Variants in SMC6 observed in about 807,000 individuals in gnomAD.
The protein encoded by SMC6 is structural maintenance of chromosomes 6, also known as structural maintenance of chromosomes protein 6.
In SMC6, 79 loss-of-function variants were observed where a neutral mutation model predicts 142.2. The observed-to-expected ratio is 0.56, with a 90% confidence interval of 0.46 to 0.67. SMC6 has a LOEUF of 0.67. Among genes scored for constraint, SMC6 ranks in the 30% least tolerant of loss-of-function variants. The pLI is 0.00. For missense variants in SMC6, 1,072 were observed against 1,284.0 expected (o/e 0.83, Z 2.52); for synonymous variants, 411 against 412.4 (o/e 1.00, Z 0.04).
chr2:17,707,177 A>C lies in SMC6; in HGVS notation c.2006+42T>G. On this transcript the variant is annotated intron_variant, in intron 18 of 27. Transcript: ENST00000448223. The stretch of plus-strand genomic sequence containing the variant: ...TATGAAAGAAAATGAACCCCCAAGG[A>C]AGCAGTGGGAATGATACAGTAAAGC... 2.1e-6 allele frequency: 3 copies of C among 1,399,390 alleles called. No individual in the cohort carries two copies. In the South Asian group the frequency reaches 5.2e-5, roughly 24 times the overall value. The allele number at this position is 1,399,390 out of a possible 1,614,324, so 86.7% of individuals were successfully genotyped here.
intron 25 of SMC6, among the ~76,000 whole-genome samples, chr2:17,678,096 T>G (rs986338277): frequency 6.6e-6 from 1 of 150,388 alleles, no homozygotes; most frequent in African/African-American, 2.5e-5. Flanking sequence ...AACACGGCAG[T>G]TTTTTTTACT....
intron 22 of SMC6, 149 bp from the exon 23 acceptor site, chr2:17,695,446 T>TATCTAAAGGG: frequency 1.5e-6 from 1 of 645,656 alleles, no homozygotes; most frequent in East Asian, 2.9e-5. Flanking sequence ...TATTTATATT[T>TATCTAAAGGG]ATCTAAGTTT....
intron 23 of SMC6, 37 bp from the exon 24 acceptor site, chr2:17,683,800 C>T (rs768093691): frequency 6.3e-7 from 1 of 1,578,750 alleles, no homozygotes; most frequent in South Asian, 1.1e-5. Flanking sequence ...AAAAATACAC[C>T]ACACGTAAAA....
At chr2:17,701,941 T>TA (rs760329724) in intron 19 of SMC6, 32 bp from the exon 20 acceptor site, 1,364 of 1,190,698 alleles carry the variant, frequency 1.1e-3, no homozygotes, top group Non-Finnish European at 1.4e-3. Context: ...TTTAGTAACA[T>TA]AAAAAAAAAT....
At chr2:17,709,410 A>C (rs567966084) in intron 16 of SMC6, among the ~76,000 whole-genome samples, 9 of 152,316 alleles carry the variant, frequency 5.9e-5, no homozygotes, top group African/African-American at 2.2e-4. Flanking sequence ...TCTTTCAACT[A>C]AAATGTAAAC....
Position 17,701,878 on chromosome 2 carries a change from C to T in SMC6, c.2174G>A (p.Arg725Gln), listed in dbSNP as rs189584906. 8.9e-6 allele frequency: 14 copies of T among 1,575,016 alleles called. No homozygotes were observed. Among genetic ancestry groups the T allele is most frequent in the Admixed American group, 1.8e-5 (1 of 54,936 alleles). Reference protein sequence around the residue: ...MKIRKNISEIRELENIEEHQS... With the variant: ...MKIRKNISEIQELENIEEHQS... ...GTGTTCTTCTATGTTCTCAAGTTCC[C>T]GAATTTCAGAAATATTTTTTCTTAT... The change falls in exon 20 of 28, where the codon CGG becomes CAG. Residue 725 changes from arginine (R) to glutamine (Q), a missense_variant. Arg to Gln is a conservative substitution (Grantham distance 43). Coordinates refer to ENST00000448223, the MANE Select transcript of SMC6 (RefSeq NM_001142286.2).
chr2:17,731,953 T>C, intron 5 of SMC6, 76 bp from the exon 6 acceptor site: 1 of 1,472,478 alleles, frequency 6.8e-7, no homozygotes, highest in Non-Finnish European at 9.1e-7. Context: ...AGTTTTCAAA[T>C]TTTTCAAAAC....
intron 25 of SMC6, among the ~76,000 whole-genome samples, chr2:17,672,431 A>AT (rs1242645577): frequency 3.3e-5 from 5 of 151,846 alleles, no homozygotes; most frequent in Non-Finnish European, 5.9e-5. Context: ...TTTTTTCTCC[A>AT]TTTTTTTATT....
chr2:17,749,727 G>C (rs189460183), intron 2 of SMC6, among the ~76,000 whole-genome samples: 6 of 152,172 alleles, frequency 3.9e-5, no homozygotes, highest in Admixed American at 2.6e-4. Flanking sequence ...GTTCATTATT[G>C]CATGTAGATG....
chr2:17,729,262 T>C (rs1669790298), intron 7 of SMC6, among the ~76,000 whole-genome samples: 1 of 152,216 alleles, frequency 6.6e-6, no homozygotes, highest in South Asian at 2.1e-4. Flanking sequence ...TACCCACTCT[T>C]CAAGTGCTCC....
intron 21 of SMC6, among the ~76,000 whole-genome samples, chr2:17,699,267 CT>C (rs1334527443): frequency 6.6e-6 from 1 of 152,020 alleles, no homozygotes; most frequent in Non-Finnish European, 1.5e-5. Context: ...TCATTTCGCA[CT>C]TGAAAAATGT....
chr2:17,738,767 C>T (rs986787371), intron 4 of SMC6, among the ~76,000 whole-genome samples: 1 of 152,168 alleles, frequency 6.6e-6, no homozygotes, highest in Non-Finnish European at 1.5e-5. Context: ...ATCCTCCTGC[C>T]TCAGCCTCCT....
intron 26 of SMC6, among the ~76,000 whole-genome samples, chr2:17,668,048 A>C (rs1039343135): frequency 8.5e-5 from 13 of 152,170 alleles, no homozygotes; most frequent in Non-Finnish European, 1.6e-4. Context: ...AGTACCAAAA[A>C]AAAATTTGTT....
At chr2:17,679,675 A>T (rs1667153625) in intron 24 of SMC6, 1 of 152,026 alleles carries the variant, frequency 6.6e-6, no homozygotes, top group African/African-American at 2.4e-5. Context: ...ACTGTCCTAG[A>T]TTTTTCCAAT....
At chr2:17,734,924 G>T (rs996117906) in intron 5 of SMC6, among the ~76,000 whole-genome samples, 1 of 152,018 alleles carries the variant, frequency 6.6e-6, no homozygotes, top group African/African-American at 2.4e-5. Context: ...TAGAGACGGG[G>T]TTTCGCCATG....
chr2:17,746,592 TA>T (rs150404326), intron 2 of SMC6, among the ~76,000 whole-genome samples: 12 of 150,562 alleles, frequency 8.0e-5, no homozygotes, highest in African/African-American at 2.9e-4. Flanking sequence ...AACTCTTCCC[TA>T]AAAAAAAAGT....
rs559145159 is a variant in SMC6, at chr2:17,706,011, T to C, written c.2006+1208A>G. On this transcript the variant is annotated intron_variant, in intron 18 of 27. Transcript: ENST00000448223. ...TAACCTAGTATTCATTTATAGTCTA[T>C]CTTCCCCTAAATTTAAGATCCAGTA... 3.5e-4 allele frequency among the ~76,000 whole-genome samples: 54 copies of C among 152,310 alleles called. No individual in the cohort carries two copies. The East Asian group carries it at 9.6e-3, about 27-fold the overall frequency.
At position 17,690,630 on chromosome 2, in the gene SMC6, AC is replaced by A. The variant is rs141144570; in HGVS notation, c.2678+4521del. 4.7e-3 allele frequency among the ~76,000 whole-genome samples: 721 copies of A among 151,914 alleles called. 4 individuals are homozygous for A. Among genetic ancestry groups the A allele is most frequent in the African/African-American group, 0.016 (668 of 41,444 alleles). ...AAAAAAACCAAAAAAACAAAAAAAA[AC>A]TCCCTGTGAATATATTATCACAAAA... On this transcript the variant is annotated intron_variant, in intron 23 of 27. Transcript: ENST00000448223.
intron 3 of SMC6, among the ~76,000 whole-genome samples, chr2:17,742,224 T>C (rs1054158462): frequency 1.3e-5 from 2 of 152,204 alleles, no homozygotes; most frequent in African/African-American, 4.8e-5. Flanking sequence ...TTATTTAGAA[T>C]ACCTCTGAAA....
Sources: allele counts gnomAD v4.1 joint callset (sites outside exome capture counted in the v4.1 genomes callset), GRCh38; gene constraint gnomAD v4.1.1; transcripts MANE v1.5; gene names NCBI Gene and HGNC (gene_info 2026-07-23, HGNC 2026-07-21).